Variants in PTRH1 observed in about 807,000 individuals in gnomAD.
PTRH1 encodes peptidyl-tRNA hydrolase.
PTRH1 carries 13 observed loss-of-function variants against 15.7 expected under a neutral mutation model. The ratio of observed to expected loss-of-function variants is 0.83; its 90% CI spans 0.54 to 1.31. PTRH1 has a LOEUF of 1.31. PTRH1 is among the 40% of genes most tolerant of loss of function. PTRH1 has a pLI of 0.00. For missense variants in PTRH1, 319 were observed against 296.2 expected (o/e 1.08, Z -0.56); for synonymous variants, 139 against 136.7 (o/e 1.02, Z -0.12).
chr9:127,712,889 CCT>C, downstream of PTRH1: 2 of 1,603,598 alleles, frequency 1.2e-6, no homozygotes, highest in South Asian at 2.2e-5. Flanking sequence ...AGCAAGTGGC[CCT>C]GTGTGGCCTC....
At chr9:127,711,489 A>G, downstream of PTRH1, 1 of 1,613,028 alleles carries the variant, frequency 6.2e-7, no homozygotes, top group Non-Finnish European at 8.5e-7. Context: ...AAAAGAGGCC[A>G]CCAGAAGGTG....
rs377169238 is a variant in PTRH1 at position 127,698,155 on chromosome 9, G to A, written c.206-3014C>T. ...TGTGCCTGTAGTCCTAACTACTTGG[G>A]AGGCTCAGGTGGCAGGATGGTTTGA... On this transcript the variant is annotated intron_variant, in intron 1 of 2. Coordinates refer to the PTRH1 transcript ENST00000335223. Among the ~76,000 whole-genome samples, 26 of 152,276 alleles carry A rather than the reference G, an allele frequency of 1.7e-4. No individual in the cohort carries two copies. In the East Asian group the frequency reaches 4.3e-3, roughly 25 times the overall value.
At position 127,715,532 on chromosome 9, in the gene PTRH1, C is replaced by T; in HGVS notation, c.96+12G>A. 1 of 1,613,408 alleles carries T rather than the reference C, an allele frequency of 6.2e-7. No individual in the cohort carries two copies. Among genetic ancestry groups the T allele is most frequent in the Non-Finnish European group, 8.5e-7 (1 of 1,180,014 alleles). On this transcript the variant is annotated intron_variant, in intron 1 of 4. Coordinates refer to ENST00000543175, the MANE Select transcript of PTRH1 (RefSeq NM_001002913.3). The surrounding 1 kb of genome is among the most constrained non-coding windows in gnomAD (Gnocchi z 5.8). ...ACCGGGAGCCCCTACGTCGCCGCCC[C>T]ACGCCACTCACCATCCACCGCTTCC...
intron 1 of PTRH1, among the ~76,000 whole-genome samples, chr9:127,696,181 A>T (rs554789995): frequency 4.0e-5 from 6 of 151,866 alleles, no homozygotes; most frequent in Non-Finnish European, 7.4e-5. Context: ...ACAAAAAATT[A>T]AAAAATTACC....
rs1220613646 is a variant in PTRH1, at chr9:127,705,358, C to T, written c.205+10077G>A. ...GCGGCCTATGGTCCAAAGTAGGGAG[C>T]TTTGGGGAGAGTCTCCAAGCAAACC... On this transcript the variant is annotated intron_variant, in intron 1 of 2. Coordinates refer to the PTRH1 transcript ENST00000335223. The surrounding 1 kb of genome is among the most constrained non-coding windows in gnomAD (Gnocchi z 4.7). Among the ~76,000 whole-genome samples, 2 of 152,216 alleles carry T rather than the reference C, an allele frequency of 1.3e-5. No individual in the cohort carries two copies. The highest frequency in any genetic ancestry group is 2.9e-5 in the Non-Finnish European group (2 of 68,030).
chr9:127,700,485 A>T (rs1172778412), intron 1 of PTRH1, among the ~76,000 whole-genome samples: 1 of 151,872 alleles, frequency 6.6e-6, no homozygotes, highest in Non-Finnish European at 1.5e-5. Context: ...CCCCAGAAAA[A>T]CCTTAAAAAC....
chr9:127,694,469 A>G (rs1842537861), intron 2 of PTRH1, among the ~76,000 whole-genome samples: 1 of 151,538 alleles, frequency 6.6e-6, no homozygotes, highest in African/African-American at 2.4e-5. Flanking sequence ...TCTCCATTCT[A>G]CCCCTTCACT....
At chr9:127,709,289 G>A, downstream of PTRH1, 1 of 899,256 alleles carries the variant, frequency 1.1e-6, no homozygotes, top group Non-Finnish European at 1.7e-6. The surrounding 1 kb of genome is among the most constrained non-coding windows in gnomAD (Gnocchi z 4.7). Flanking sequence ...TGGGAGATGA[G>A]GCTGGATTCT....
Position 127,714,064 on chromosome 9 carries a change from G to C in PTRH1, c.*36C>G, listed in dbSNP as rs768046728. On this transcript the variant is annotated 3_prime_UTR_variant, in exon 5 of 5. Coordinates refer to ENST00000543175, the MANE Select transcript of PTRH1 (RefSeq NM_001002913.3). ...TCTGTGGCAGTGGCTGGGTTGGTGGGCACTACAGTCAGGCAGGCAGCCATG... is the reference window on the plus strand; with the variant it reads ...TCTGTGGCAGTGGCTGGGTTGGTGGCCACTACAGTCAGGCAGGCAGCCATG... 5 of 1,603,450 alleles carry C rather than the reference G, an allele frequency of 3.1e-6. 1 individual carries two copies. In the Admixed American group the frequency reaches 8.6e-5, roughly 27 times the overall value.
At chr9:127,704,981 T>G (rs1842631729) in intron 1 of PTRH1, among the ~76,000 whole-genome samples, 1 of 152,026 alleles carries the variant, frequency 6.6e-6, no homozygotes. Flanking sequence ...CTCCTGGCCT[T>G]AAGTGATCCT....
chr9:127,715,653 AC>A lies in PTRH1; in HGVS notation c.-15del. The stretch of plus-strand genomic sequence containing the variant: ...GCCCGGCCTCATGCTGCCCCCATTC[AC>A]TCCGACACCGCCCCCTGACGTCATC... On this transcript the variant is annotated 5_prime_UTR_variant, in exon 1 of 5. The change creates a new upstream start codon in the 5' untranslated region. Coordinates refer to ENST00000543175, the MANE Select transcript of PTRH1 (RefSeq NM_001002913.3). This position sits in a 1 kb window ranked among gnomAD's most constrained non-coding sequence, Gnocchi z 5.8. 1 of 1,607,108 alleles carries A rather than the reference AC, an allele frequency of 6.2e-7. No homozygotes were observed. The highest frequency in any genetic ancestry group is 8.5e-7 in the Non-Finnish European group (1 of 1,178,480).
downstream of PTRH1, chr9:127,710,597 C>G: frequency 6.3e-7 from 1 of 1,577,316 alleles, no homozygotes. Flanking sequence ...GCTGTGGCGG[C>G]CAGGGGGGAA....
chr9:127,712,151 G>A, downstream of PTRH1: 5 of 1,607,730 alleles, frequency 3.1e-6, no homozygotes, highest in Non-Finnish European at 4.2e-6. Context: ...GGTGGCCCCA[G>A]TCCTGGGGAA....
intron 1 of PTRH1, among the ~76,000 whole-genome samples, chr9:127,696,908 A>T (rs1034762659): frequency 2.0e-5 from 3 of 152,166 alleles, no homozygotes; most frequent in African/African-American, 7.2e-5. Flanking sequence ...GTGGGATTCC[A>T]GTGTGAATAC....
rs1182236526 is a variant in PTRH1, at chr9:127,694,940, AC to A, written c.406del (p.Val136TrpfsTer3). The A allele has an allele frequency of 4.3e-6, 3 of 698,736 alleles. No individual in the cohort carries two copies. In the Admixed American group the frequency reaches 6.0e-5, roughly 14 times the overall value. 43.3% of individuals were successfully genotyped at this position (698,736 alleles called of 1,614,324 possible). On this transcript the variant is annotated frameshift_variant, in exon 2 of 3. Transcript: ENST00000335223. LOFTEE classifies it low-confidence loss of function (END_TRUNC). ...GCATCAGCATACCTGGGTTAAATCC[AC>A]CCTTGGCCTCTTTCCACATGATCCT...
Position 127,714,334 on chromosome 9 carries a change from C to T in PTRH1, c.462+45G>A, listed in dbSNP as rs369609759. 390 of 1,613,996 alleles carry T rather than the reference C, an allele frequency of 2.4e-4. No homozygotes were observed. The Middle Eastern group carries it at 3.3e-3, about 14-fold the overall frequency. ...AAGCTTTGGCGAGGTGCTGGGGGACCCCTGGCCCACCCGACCCAGTTGCAC... is the reference window on the plus strand; with the variant it reads ...AAGCTTTGGCGAGGTGCTGGGGGACTCCTGGCCCACCCGACCCAGTTGCAC... On this transcript the variant is annotated intron_variant, in intron 4 of 4. Coordinates refer to ENST00000543175, the MANE Select transcript of PTRH1 (RefSeq NM_001002913.3).
chr9:127,714,762 C>A, intron 2 of PTRH1, 60 bp from the exon 3 acceptor site: 1 of 1,413,020 alleles, frequency 7.1e-7, no homozygotes, highest in South Asian at 1.2e-5. Context: ...GGCACTGTCC[C>A]GACTCCCATG....
intron 1 of PTRH1, among the ~76,000 whole-genome samples, chr9:127,708,442 A>T (rs1185536817): frequency 6.6e-6 from 1 of 152,176 alleles, no homozygotes; most frequent in African/African-American, 2.4e-5. Flanking sequence ...GTGCCACTGC[A>T]CTCCAACCTG....
chr9:127,706,093 T>C (rs1427539852), intron 1 of PTRH1, among the ~76,000 whole-genome samples: 7 of 152,252 alleles, frequency 4.6e-5, no homozygotes, highest in African/African-American at 1.7e-4. Flanking sequence ...AGATGCGGTC[T>C]TGTGAACTCT....
Sources: gnomAD v4.1 joint callset for allele counts (sites outside exome capture counted in the v4.1 genomes callset) on GRCh38, gnomAD v4.1.1 for gene constraint, Gnocchi (gnomAD v3.1) non-coding constraint, MANE v1.5 for transcripts, NCBI Gene and HGNC (gene_info 2026-07-23, HGNC 2026-07-21) for gene names.